The following KCNB2 variants were observed in gnomAD, a reference collection of about 807,000 sequenced individuals.
The protein encoded by KCNB2 is delayed rectifier potassium channel protein.
Under a neutral mutation model 61.5 loss-of-function variants are expected in KCNB2, and 15 were observed. The ratio of observed to expected loss-of-function variants is 0.24; its 90% CI spans 0.16 to 0.38. The LOEUF is 0.38. Among genes scored for constraint, KCNB2 ranks in the 10% least tolerant of loss-of-function variants. The pLI is 1.00. For missense variants in KCNB2, 828 were observed against 1,125.2 expected, an observed-to-expected ratio of 0.74 and a Z score of 3.78; for synonymous variants, 457 against 446.0, an observed-to-expected ratio of 1.02 and a Z score of -0.31.
chr8:72,612,763 A>G (rs895239195), intron 2 of KCNB2, among the ~76,000 whole-genome samples: 2 of 152,178 alleles, frequency 1.3e-5, no homozygotes, highest in Non-Finnish European at 2.9e-5. Flanking sequence ...TGAGGCAAGT[A>G]TGATTTTGGT....
intron 2 of KCNB2, among the ~76,000 whole-genome samples, chr8:72,688,490 C>A (rs2128989827): frequency 6.6e-6 from 1 of 152,176 alleles, no homozygotes; most frequent in Middle Eastern, 3.4e-3. Context: ...ATACCCTACA[C>A]CTGCCTTCAT....
chr8:72,648,661 A>G (rs1415414632), intron 2 of KCNB2, among the ~76,000 whole-genome samples: 1 of 151,770 alleles, frequency 6.6e-6, no homozygotes, highest in Non-Finnish European at 1.5e-5. Flanking sequence ...TAATATATTC[A>G]GTTTTTGCCT....
intron 2 of KCNB2, among the ~76,000 whole-genome samples, chr8:72,899,468 G>A (rs1201555153): frequency 6.6e-6 from 1 of 152,150 alleles, no homozygotes; most frequent in Non-Finnish European, 1.5e-5. Context: ...ATGATTTTAT[G>A]TCTGGAAAAC....
intron 2 of KCNB2, among the ~76,000 whole-genome samples, chr8:72,829,415 G>A (rs574068336): frequency 5.1e-4 from 77 of 152,304 alleles, no homozygotes; most frequent in African/African-American, 1.5e-3. Context: ...TTGTCAGAAA[G>A]TTGTTCTTTG....
intron 2 of KCNB2, among the ~76,000 whole-genome samples, chr8:72,752,655 T>C (rs1165010055): frequency 6.6e-6 from 1 of 152,196 alleles, no homozygotes; most frequent in African/African-American, 2.4e-5. Flanking sequence ...AACTTGTAGA[T>C]GGCACGTCGT....
chr8:72,744,750 A>G (rs1808029047), intron 2 of KCNB2, among the ~76,000 whole-genome samples: 1 of 152,178 alleles, frequency 6.6e-6, no homozygotes, highest in Non-Finnish European at 1.5e-5. Context: ...CACAAGTGCC[A>G]AGGACCTGAA....
intron 2 of KCNB2, among the ~76,000 whole-genome samples, chr8:72,718,248 C>T (rs1349319605): frequency 2.6e-5 from 4 of 152,162 alleles, no homozygotes; most frequent in African/African-American, 4.8e-5. Flanking sequence ...TTGTGGAAGT[C>T]GGTGTGGGGA....
intron 2 of KCNB2, among the ~76,000 whole-genome samples, chr8:72,886,720 C>T (rs1805812863): frequency 6.6e-6 from 1 of 152,250 alleles, no homozygotes; most frequent in African/African-American, 2.4e-5. Flanking sequence ...CAATGACGTT[C>T]ACAGTCCAGA....
chr8:72,704,083 G>A (rs982330945), intron 2 of KCNB2, among the ~76,000 whole-genome samples: 2 of 152,096 alleles, frequency 1.3e-5, no homozygotes, highest in Non-Finnish European at 2.9e-5. Flanking sequence ...ATTTATTCTT[G>A]GATAATGTCA....
chr8:72,554,688 T>C (rs935150714), intron 1 of KCNB2, among the ~76,000 whole-genome samples: 1 of 152,250 alleles, frequency 6.6e-6, no homozygotes, highest in Non-Finnish European at 1.5e-5. Context: ...CTTCTAACTA[T>C]AAATTTTGTA....
chr8:72,628,401 GT>G (rs1351664787), intron 2 of KCNB2, among the ~76,000 whole-genome samples: 1 of 14,616 alleles, frequency 6.8e-5, no homozygotes, highest in Admixed American at 1.2e-3. Context: ...CTGTTAGGGG[GT>G]GTGTGTGTGT....
chr8:72,584,329 C>T (rs1806963345), intron 2 of KCNB2, among the ~76,000 whole-genome samples: 1 of 152,080 alleles, frequency 6.6e-6, no homozygotes, highest in African/African-American at 2.4e-5. Flanking sequence ...CTCGGAAATG[C>T]CCTGGACCCT....
intron 2 of KCNB2, among the ~76,000 whole-genome samples, chr8:72,898,588 G>A (rs1224177255): frequency 3.3e-5 from 5 of 152,134 alleles, no homozygotes; most frequent in Non-Finnish European, 7.3e-5. Flanking sequence ...ATCAAACCAA[G>A]CCAGAAGTTT....
intron 2 of KCNB2, among the ~76,000 whole-genome samples, chr8:72,850,009 C>A (rs1810066584): frequency 6.6e-6 from 1 of 152,094 alleles, no homozygotes; most frequent in South Asian, 2.1e-4. Context: ...GTCTTTGTAT[C>A]CCAAACCTAG....
intron 2 of KCNB2, among the ~76,000 whole-genome samples, chr8:72,570,379 A>G (rs993703397): frequency 6.6e-6 from 1 of 152,138 alleles, no homozygotes; most frequent in Non-Finnish European, 1.5e-5. Flanking sequence ...ATTTATGTTT[A>G]TTTATATGTC....
intron 2 of KCNB2, among the ~76,000 whole-genome samples, chr8:72,666,639 T>TA (rs1199256809): frequency 1.5e-5 from 2 of 136,102 alleles, no homozygotes; most frequent in Non-Finnish European, 3.1e-5. Flanking sequence ...GACCTTCAAA[T>TA]AAAAAATAAA....
At chr8:72,540,979 C>T (rs1454568563) in intron 1 of KCNB2, among the ~76,000 whole-genome samples, 1 of 131,586 alleles carries the variant, frequency 7.6e-6, no homozygotes, top group Non-Finnish European at 1.6e-5. Flanking sequence ...CTAGGCCCTG[C>T]TCCCAAGAAT....
chr8:72,584,748 T>C lies in KCNB2; in HGVS notation c.579+16435T>C, dbSNP rs528972856. ...AATGAAAAAGGCATGGTCTTATACATTTATAATGCTTAAAATCATGGAAAA... is the reference window on the plus strand; with the variant it reads ...AATGAAAAAGGCATGGTCTTATACACTTATAATGCTTAAAATCATGGAAAA... On this transcript the variant is annotated intron_variant, in intron 2 of 2. Coordinates refer to ENST00000523207, the MANE Select transcript of KCNB2 (RefSeq NM_004770.3). Among the ~76,000 whole-genome samples, 4 of 152,298 alleles carry C rather than the reference T, an allele frequency of 2.6e-5. No individual in the cohort carries two copies. The South Asian group carries it at 8.3e-4, about 32-fold the overall frequency.
intron 2 of KCNB2, among the ~76,000 whole-genome samples, chr8:72,611,634 G>C (rs769910334): frequency 2.6e-5 from 4 of 152,190 alleles, no homozygotes; most frequent in Non-Finnish European, 1.5e-5. Context: ...CGGCTTTGCT[G>C]TTTACTGCAT....
Sources: allele counts gnomAD v4.1 joint callset (sites outside exome capture counted in the v4.1 genomes callset), GRCh38; gene constraint gnomAD v4.1.1; transcripts MANE v1.5; gene names NCBI Gene and HGNC (gene_info 2026-07-23, HGNC 2026-07-21).